The following ATL1 variants were observed in gnomAD, a reference collection of about 807,000 sequenced individuals.
The protein encoded by ATL1 is atlastin-1.
ATL1 carries 31 observed loss-of-function variants against 75.5 expected under a neutral mutation model. The observed-to-expected ratio is 0.41, with a 90% CI of 0.31 to 0.55. The LOEUF is 0.55. ATL1 is among the 20% of genes least tolerant of loss of function. The pLI is 0.27. For synonymous variants in ATL1, 226 were observed against 233.3 expected (o/e 0.97, Z 0.28); for missense variants, 405 against 662.6 (o/e 0.61, Z 4.27).
At chr14:50,616,343 C>A (rs1480849366) in intron 8 of ATL1, among the ~76,000 whole-genome samples, 1 of 152,124 alleles carries the variant, frequency 6.6e-6, no homozygotes, top group Non-Finnish European at 1.5e-5. Flanking sequence ...GTCTATCAGG[C>A]TGGAGTGCAG....
At chr14:50,570,216 C>G (rs935582319) in intron 1 of ATL1, among the ~76,000 whole-genome samples, 1 of 152,118 alleles carries the variant, frequency 6.6e-6, no homozygotes, top group Non-Finnish European at 1.5e-5. Flanking sequence ...GTTTGTTAAG[C>G]TCTATTCAGT....
chr14:50,629,380 G>A (rs1016502343), intron 12 of ATL1, among the ~76,000 whole-genome samples: 11 of 151,998 alleles, frequency 7.2e-5, no homozygotes, highest in Admixed American at 5.9e-4. Context: ...TCGGGAGTTT[G>A]AGACCAGCCT....
chr14:50,581,670 A>T (rs1195540866), intron 1 of ATL1, among the ~76,000 whole-genome samples: 1 of 152,094 alleles, frequency 6.6e-6, no homozygotes, highest in East Asian at 1.9e-4. Context: ...TTCCTTTATG[A>T]TGAGATAACA....
chr14:50,602,756 G>T (rs1279676265), intron 6 of ATL1, among the ~76,000 whole-genome samples: 4 of 152,086 alleles, frequency 2.6e-5, no homozygotes, highest in Non-Finnish European at 5.9e-5. Context: ...AGGTAGTTGG[G>T]AATTTTAGCA....
intron 1 of ATL1, among the ~76,000 whole-genome samples, chr14:50,561,767 C>A (rs2038848374): frequency 6.6e-6 from 1 of 152,118 alleles, no homozygotes; most frequent in Non-Finnish European, 1.5e-5. Flanking sequence ...TTTTAACAGA[C>A]CTACCTGACT....
At chr14:50,613,183 T>A in intron 6 of ATL1, 76 bp from the exon 7 acceptor site, 1 of 1,031,510 alleles carries the variant, frequency 9.7e-7, no homozygotes, top group Non-Finnish European at 1.5e-6. Context: ...GACAGTGATA[T>A]TATAACTGGT....
Position 50,589,729 on chromosome 14 carries a change from C to G in ATL1, c.283-1212C>G, listed in dbSNP as rs983273970. ...TAGGTTATTGAGCCAGATAATAGAA[C>G]AAATTCACAGAAGAACCAAAGCTCT... On this transcript the variant is annotated intron_variant, in intron 2 of 13. Coordinates refer to ENST00000358385, the MANE Select transcript of ATL1 (RefSeq NM_015915.5). 3.9e-5 allele frequency among the ~76,000 whole-genome samples: 6 copies of G among 152,150 alleles called. No homozygotes were observed. In the East Asian group the frequency reaches 1.2e-3, roughly 29 times the overall value.
chr14:50,614,036 T>A (rs1055921424), intron 7 of ATL1, among the ~76,000 whole-genome samples: 3 of 152,154 alleles, frequency 2.0e-5, no homozygotes, highest in African/African-American at 7.2e-5. Context: ...TACTTTCTCT[T>A]TGTGGCTCCT....
At chr14:50,604,852 T>C (rs191542046) in intron 6 of ATL1, among the ~76,000 whole-genome samples, 4 of 152,220 alleles carry the variant, frequency 2.6e-5, no homozygotes, top group Admixed American at 1.3e-4. Flanking sequence ...TGTTGGGTGT[T>C]TTCAGTTAGC....
chr14:50,577,947 G>A (rs2039021727), intron 1 of ATL1, among the ~76,000 whole-genome samples: 1 of 152,064 alleles, frequency 6.6e-6, no homozygotes, highest in South Asian at 2.1e-4. Flanking sequence ...ACTTTTATAT[G>A]TAAATGTTGA....
At chr14:50,560,466 G>A in intron 1 of ATL1, 167 bp downstream of exon 1, 3 of 916,490 alleles carry the variant, frequency 3.3e-6, no homozygotes, top group Non-Finnish European at 5.1e-6. Context: ...AACCATGGCC[G>A]AGCGGTACCC....
intron 6 of ATL1, among the ~76,000 whole-genome samples, chr14:50,611,959 T>C (rs2039370304): frequency 6.6e-6 from 1 of 152,108 alleles, no homozygotes; most frequent in South Asian, 2.1e-4. Context: ...AGAAGACATA[T>C]GAATGTTCAT....
chr14:50,565,245 G>A (rs542498832), intron 1 of ATL1, among the ~76,000 whole-genome samples: 27 of 152,000 alleles, frequency 1.8e-4, no homozygotes, highest in African/African-American at 4.1e-4. Context: ...AGCCGAGATC[G>A]CACTACTGCA....
intron 1 of ATL1, among the ~76,000 whole-genome samples, chr14:50,552,731 G>C (rs935331783): frequency 6.6e-6 from 1 of 152,052 alleles, no homozygotes; most frequent in Non-Finnish European, 1.5e-5. Flanking sequence ...CTAACTGGTC[G>C]TCGACAAAAC....
intron 6 of ATL1, among the ~76,000 whole-genome samples, chr14:50,607,446 C>A (rs528528139): frequency 6.6e-6 from 1 of 152,076 alleles, no homozygotes; most frequent in East Asian, 1.9e-4. Flanking sequence ...GAGAATATGT[C>A]TTTTGTTAAA....
At chr14:50,617,800 C>T (rs1439254075) in intron 8 of ATL1, among the ~76,000 whole-genome samples, 2 of 152,192 alleles carry the variant, frequency 1.3e-5, no homozygotes, top group Non-Finnish European at 2.9e-5. Context: ...CTCGGCAAAT[C>T]GATTTGAACT....
intron 8 of ATL1, 83 bp from the exon 9 acceptor site, chr14:50,620,516 G>A: frequency 6.9e-7 from 1 of 1,444,738 alleles, no homozygotes; most frequent in Non-Finnish European, 9.6e-7. Flanking sequence ...AGGAAATGGG[G>A]GAGATCAAAG....
rs528207604 is a variant in ATL1 at position 50,541,569 on chromosome 14, G to A, written c.-140+8202G>A. On this transcript the variant is annotated intron_variant, in intron 1 of 13. Transcript: ENST00000441560. ...ACTGCCACCTTGTTCATATCACTTG[G>A]AACTACATAATGTACTACAGAGAAG... 2.0e-5 allele frequency among the ~76,000 whole-genome samples: 3 copies of A among 152,210 alleles called. No homozygotes were observed. In the South Asian group the frequency reaches 6.2e-4, roughly 32 times the overall value.
Position 50,601,003 on chromosome 14 carries a change from G to A in ATL1, c.630+5371G>A, listed in dbSNP as rs553505303. Among the ~76,000 whole-genome samples the A allele has an allele frequency of 8.5e-5, 13 of 152,232 alleles. 1 individual carries two copies. In the South Asian group the frequency reaches 2.1e-3, roughly 24 times the overall value. On this transcript the variant is annotated intron_variant, in intron 6 of 13. Coordinates refer to ENST00000358385, the MANE Select transcript of ATL1 (RefSeq NM_015915.5). ...GCCTGTAGTCCCAGCTATTTGGAGC[G>A]GGGCTGAAGTGGGAGGATCACTTGA... is the stretch of plus-strand genomic sequence containing the variant.
Sources: allele counts gnomAD v4.1 joint callset (sites outside exome capture counted in the v4.1 genomes callset), GRCh38; gene constraint gnomAD v4.1.1; transcripts MANE v1.5; gene names NCBI Gene and HGNC (gene_info 2026-07-23, HGNC 2026-07-21).